SLIT1: variants seen among roughly 807,000 people sequenced by gnomAD.
The protein encoded by SLIT1 is slit guidance ligand 1.
SLIT1 carries 66 observed loss-of-function variants against 186.1 expected under a neutral mutation model. The ratio of observed to expected loss-of-function variants is 0.35; its 90% CI spans 0.29 to 0.44. The LOEUF is 0.44. SLIT1 is among the 20% of genes least tolerant of loss of function. The probability of loss-of-function intolerance (pLI) is 1.00; values close to 1 mark genes in which losing one functional copy is unlikely to be tolerated. For synonymous variants in SLIT1, 761 were observed against 833.8 expected, an observed-to-expected ratio of 0.91 and a Z score of 1.50; for missense variants, 1,638 against 2,037.4, an observed-to-expected ratio of 0.80 and a Z score of 3.77.
intron 4 of SLIT1, among the ~76,000 whole-genome samples, chr10:97,141,072 C>T (rs549633882): frequency 3.6e-4 from 55 of 152,242 alleles, no homozygotes; most frequent in Non-Finnish European, 4.1e-4. Context: ...GCTCCCTTGT[C>T]GGAGGCTCTG....
rs541579512 is a variant in SLIT1 at position 97,178,357 on chromosome 10, TG to T, written c.197+7120del. ...GCATTCCCTGCAAAAATGCATAATC[TG>T]AATGTAATTGTGAGGAAAGATCAGA... On this transcript the variant is annotated intron_variant, in intron 1 of 36. Transcript: ENST00000266058. 7.2e-5 allele frequency among the ~76,000 whole-genome samples: 11 copies of T among 152,310 alleles called. No homozygotes were observed. In the East Asian group the frequency reaches 2.1e-3, roughly 29 times the overall value.
intron 4 of SLIT1, among the ~76,000 whole-genome samples, chr10:97,135,726 G>A (rs1405625546): frequency 1.3e-5 from 2 of 152,232 alleles, no homozygotes; most frequent in Non-Finnish European, 2.9e-5. Flanking sequence ...GTCAAGTGGA[G>A]GAGGGGCTGC....
chr10:97,123,031 G>A (rs1849573504), intron 4 of SLIT1, among the ~76,000 whole-genome samples: 1 of 152,216 alleles, frequency 6.6e-6, no homozygotes, highest in Non-Finnish European at 1.5e-5. Context: ...GCCCTGCACA[G>A]GGGGCCTTCA....
chr10:97,093,321 G>A (rs1849252970), intron 4 of SLIT1, among the ~76,000 whole-genome samples: 1 of 152,220 alleles, frequency 6.6e-6, no homozygotes, highest in African/African-American at 2.4e-5. Context: ...TACAAGAACT[G>A]TGATTTGATG....
intron 26 of SLIT1, 99 bp from the exon 27 acceptor site, chr10:97,019,206 G>T: frequency 1.3e-6 from 1 of 756,524 alleles, no homozygotes. Context: ...CCAAGGAGCC[G>T]TTTCCCCTCC....
Position 97,075,637 on chromosome 10 carries a change from T to C in SLIT1, c.414-9551A>G, listed in dbSNP as rs74152136. On this transcript the variant is annotated intron_variant, in intron 4 of 36. Coordinates refer to ENST00000266058, the MANE Select transcript of SLIT1 (RefSeq NM_003061.3). The stretch of plus-strand genomic sequence containing the variant: ...GGCAGCCTCACACGACTGTTATCAA[T>C]AAGTGGCTGCCCGGGATTCCACTGC... Among the ~76,000 whole-genome samples, 441 of 152,206 alleles carry C rather than the reference T, an allele frequency of 2.9e-3. 5 individuals carry two copies. The highest frequency in any genetic ancestry group is 9.8e-3 in the African/African-American group (408 of 41,528).
At chr10:97,137,199 C>T (rs1849711236) in intron 4 of SLIT1, among the ~76,000 whole-genome samples, 1 of 152,162 alleles carries the variant, frequency 6.6e-6, no homozygotes, top group Non-Finnish European at 1.5e-5. Context: ...TTTATATAGT[C>T]TGGAAAGATT....
At chr10:97,178,609 G>T (rs1392736968) in intron 1 of SLIT1, among the ~76,000 whole-genome samples, 1 of 152,180 alleles carries the variant, frequency 6.6e-6, no homozygotes, top group African/African-American at 2.4e-5. Context: ...TGTGAATTCT[G>T]GAGTAGAGAA....
intron 4 of SLIT1, among the ~76,000 whole-genome samples, chr10:97,105,432 T>A (rs561538687): frequency 2.0e-5 from 3 of 152,114 alleles, no homozygotes; most frequent in Admixed American, 2.0e-4. Context: ...AAGAACCAGA[T>A]GAAAGGGAAC....
chr10:97,019,815 G>C (rs1025502517), intron 26 of SLIT1, among the ~76,000 whole-genome samples: 1 of 152,126 alleles, frequency 6.6e-6, no homozygotes, highest in African/African-American at 2.4e-5. Context: ...GTGAACTCAG[G>C]CTTCCCCAGA....
intron 4 of SLIT1, among the ~76,000 whole-genome samples, chr10:97,087,814 C>T (rs182843886): frequency 6.6e-6 from 1 of 152,112 alleles, no homozygotes; most frequent in Admixed American, 6.5e-5. Flanking sequence ...TTGATCAGCC[C>T]AGCCAATATT....
chr10:97,182,868 G>A (rs1051633746), intron 1 of SLIT1, among the ~76,000 whole-genome samples: 4 of 151,932 alleles, frequency 2.6e-5, no homozygotes, highest in Non-Finnish European at 5.9e-5. Flanking sequence ...GCTCACGCCT[G>A]TAATCCCAAC....
At chr10:97,011,747 T>C (rs1339718139) in intron 30 of SLIT1, among the ~76,000 whole-genome samples, 1 of 152,166 alleles carries the variant, frequency 6.6e-6, no homozygotes, top group Non-Finnish European at 1.5e-5. Context: ...TTTCTAGTAA[T>C]GGCCTTGCTG....
At chr10:97,084,924 C>CG (rs777456531) in intron 4 of SLIT1, among the ~76,000 whole-genome samples, 3 of 126,164 alleles carry the variant, frequency 2.4e-5, no homozygotes, top group African/African-American at 8.8e-5. Context: ...CTTTTCTTTC[C>CG]TTTTTTTTTT....
intron 4 of SLIT1, among the ~76,000 whole-genome samples, chr10:97,116,264 G>C (rs908288963): frequency 6.6e-6 from 1 of 152,092 alleles, no homozygotes; most frequent in African/African-American, 2.4e-5. Context: ...GGAAGAGAGA[G>C]AGAAATAATA....
At chr10:97,177,058 A>C (rs1019935421) in intron 1 of SLIT1, among the ~76,000 whole-genome samples, 6 of 152,198 alleles carry the variant, frequency 3.9e-5, no homozygotes, top group Admixed American at 3.9e-4. Flanking sequence ...CTACAGAGCC[A>C]GCACCTCTAG....
intron 4 of SLIT1, among the ~76,000 whole-genome samples, chr10:97,070,068 G>C (rs1257884144): frequency 6.6e-6 from 1 of 152,220 alleles, no homozygotes; most frequent in African/African-American, 2.4e-5. Context: ...AGCAGGCACA[G>C]GCTTGCCAGC....
Position 96,998,966 on chromosome 10 carries a change from TG to T in SLIT1, c.*2145del, listed in dbSNP as rs1227086845. 2 of 152,196 alleles carry T rather than the reference TG, an allele frequency of 1.3e-5. No individual in the cohort carries two copies. Among genetic ancestry groups the T allele is most frequent in the East Asian group, 3.9e-4 (2 of 5,180 alleles). 9.4% of individuals were successfully genotyped at this position (152,196 alleles called of 1,614,324 possible). ...CTGGGAATTGGCTTCTCCAGGGTGG[TG>T]GGGAATGGTGGTGGCCAGGAAAGCT... On this transcript the variant is annotated 3_prime_UTR_variant, in exon 37 of 37. Transcript: ENST00000266058.
At position 97,088,648 on chromosome 10, in the gene SLIT1, G is replaced by C. The variant is rs1049326442; in HGVS notation, c.414-22562C>G. Among the ~76,000 whole-genome samples, 4 of 152,202 alleles carry C rather than the reference G, an allele frequency of 2.6e-5. No individual in the cohort carries two copies. In the East Asian group the frequency reaches 7.7e-4, roughly 29 times the overall value. ...TACTAAATTTAGACAGTTGAGCAAA[G>C]ACACCTATGTGTCATCTGTGTGGAT... is the stretch of plus-strand genomic sequence containing the variant. On this transcript the variant is annotated intron_variant, in intron 4 of 36. Coordinates refer to ENST00000266058, the MANE Select transcript of SLIT1 (RefSeq NM_003061.3).
Sources: allele counts gnomAD v4.1 joint callset (sites outside exome capture counted in the v4.1 genomes callset), GRCh38; gene constraint gnomAD v4.1.1; transcripts MANE v1.5; gene names NCBI Gene and HGNC (gene_info 2026-07-23, HGNC 2026-07-21).